Variants in TRIM25 observed in about 807,000 individuals in gnomAD.
The protein encoded by TRIM25 is tripartite motif containing 25.
A neutral mutation model predicts 65.2 loss-of-function variants in TRIM25; 45 were observed. The observed-to-expected ratio is 0.69, with a 90% CI of 0.54 to 0.89. TRIM25 has a LOEUF of 0.89. Ranked by LOEUF, TRIM25 falls within the 40% of genes least tolerant of loss-of-function variation. The pLI, the probability that TRIM25 is intolerant of heterozygous loss-of-function variation, is 0.00. For synonymous variants in TRIM25, 321 were observed against 340.4 expected, an observed-to-expected ratio of 0.94 and a Z score of 0.63; for missense variants, 714 against 803.7, an observed-to-expected ratio of 0.89 and a Z score of 1.35.
intron 5 of TRIM25, 124 bp from the exon 6 acceptor site, chr17:56,896,076 A>T (rs1253223523): frequency 2.7e-6 from 3 of 1,095,626 alleles, no homozygotes; most frequent in Non-Finnish European, 2.6e-6. Context: ...AATTTGAAAA[A>T]CAGAAGGAGT....
At chr17:56,901,739 C>T (rs1249090051) in intron 3 of TRIM25, among the ~76,000 whole-genome samples, 161 bp from the exon 4 acceptor site, 2 of 152,106 alleles carry the variant, frequency 1.3e-5, no homozygotes, top group Non-Finnish European at 2.9e-5. Context: ...TTAAATGACA[C>T]TTGAAGACAC....
intron 3 of TRIM25, among the ~76,000 whole-genome samples, chr17:56,902,934 C>T (rs1319714476): frequency 6.6e-6 from 1 of 152,194 alleles, no homozygotes; most frequent in East Asian, 1.9e-4. Flanking sequence ...ACTTCCTCCT[C>T]TGTCTCTTGT....
rs746988951 is a variant in TRIM25, at chr17:56,908,514, GC to G, written c.646del (p.Ala216ArgfsTer8). 3.7e-6 allele frequency: 6 copies of G among 1,613,974 alleles called. No individual in the cohort carries two copies. Among genetic ancestry groups the G allele is most frequent in the Non-Finnish European group, 5.1e-6 (6 of 1,180,026 alleles). ...TCTCACATCATCCAGTGCTCTCGACGCCCCGTTGATCTGACTGTACATGACA... is the reference window on the plus strand; with the variant it reads ...TCTCACATCATCCAGTGCTCTCGACGCCCGTTGATCTGACTGTACATGACA... ...LTVMYSQING[A>X]SRALDDVRNR... is the part of the protein sequence containing the mutation. On this transcript the variant is annotated frameshift_variant, in exon 2 of 9. Transcript: ENST00000316881. LOFTEE classifies it high-confidence loss of function.
Position 56,895,374 on chromosome 17 carries a change from G to C in TRIM25, c.1332C>G (p.Phe444Leu), listed in dbSNP as rs1567838455. ...TSLKAKVLET[F>L]LAKSRPELLE... ...GGAGCTCAGGTCTGGACTTGGCCAG[G>C]AAGGTCTCCAGCACCTTGGCCTTGA... The change falls in exon 8 of 9, where the codon TTC becomes TTG. Residue 444 changes from phenylalanine (F) to leucine (L), a missense_variant. Physicochemically the swap from Phe to Leu is conservative, Grantham distance 22 (BLOSUM62 0). This residue lies in a region of TRIM25 where 413 missense variants were observed against 498.2 expected (regional missense o/e 0.83). Coordinates refer to ENST00000316881, the MANE Select transcript of TRIM25 (RefSeq NM_005082.5). 6.2e-7 allele frequency: 1 copy of C among 1,614,176 alleles called. No homozygotes were observed. Among genetic ancestry groups the C allele is most frequent in the Admixed American group, 1.7e-5 (1 of 60,028 alleles).
chr17:56,908,741 A>G (rs1425279049), intron 1 of TRIM25, 178 bp from the exon 2 acceptor site: 4 of 619,992 alleles, frequency 6.5e-6, no homozygotes, highest in Non-Finnish European at 2.9e-6. Context: ...GCATTCTAAT[A>G]CTTACTACTT....
Position 56,891,996 on chromosome 17 carries a change from TGCTTCCGTA to T in TRIM25, c.1588_1596del (p.Tyr530_Ser532del). On this transcript the variant is annotated inframe_deletion, in exon 9 of 9. Coordinates refer to ENST00000316881, the MANE Select transcript of TRIM25 (RefSeq NM_005082.5). ...CTGCTTTCTGGGCCCTGCCGGTTCA[TGCTTCCGTA>T]GCAGATGCCTACCCCACAGAAGTTG... 6.8e-6 allele frequency: 11 copies of T among 1,614,222 alleles called. No homozygotes were observed. Among genetic ancestry groups the T allele is most frequent in the Non-Finnish European group, 9.3e-6 (11 of 1,180,032 alleles).
Position 56,913,586 on chromosome 17 carries a change from A to T in TRIM25, c.403T>A (p.Phe135Ile), listed in dbSNP as rs1435169390. 3 of 1,610,894 alleles carry T rather than the reference A, an allele frequency of 1.9e-6. No individual in the cohort carries two copies. The highest frequency in any genetic ancestry group is 1.7e-6 in the Non-Finnish European group (2 of 1,178,284). ...TGGTCCTGGAAGGCGGGGCTGTCGA[A>T]GTGCGGCTGCAGGTGCTCCTGACAG... Reference protein sequence around the residue: ...SFCQEHLQPHFDSPAFQDHPL... With the variant: ...SFCQEHLQPHIDSPAFQDHPL... Residue 135 changes from phenylalanine to isoleucine, a missense_variant, in exon 1 of 9, where the codon TTC becomes ATC. By Grantham distance (21) the Phe-to-Ile change is conservative (BLOSUM62 0). Around this residue, in one of 3 missense-constraint regions of TRIM25, gnomAD observed 291 missense variants for 281.8 expected, o/e 1.03. Transcript: ENST00000316881. This position sits in a 1 kb window ranked among gnomAD's most constrained non-coding sequence, Gnocchi z 6.1.
chr17:56,889,064 T>C lies in TRIM25; in HGVS notation c.*2636A>G, dbSNP rs1003773105. On this transcript the variant is annotated 3_prime_UTR_variant, in exon 9 of 9. Coordinates refer to ENST00000316881, the MANE Select transcript of TRIM25 (RefSeq NM_005082.5). ...AAATAACAGCTCAAATACTCCTAAC[T>C]AATTAAAATCAATAGTGAGAGGCAG... The C allele has an allele frequency of 2.2e-4, 33 of 152,136 alleles. No homozygotes were observed. Among genetic ancestry groups the C allele is most frequent in the African/African-American group, 8.0e-4 (33 of 41,416 alleles). The allele number at this position is 152,136 out of a possible 1,614,324, so 9.4% of individuals were successfully genotyped here.
At position 56,891,777 on chromosome 17, in the gene TRIM25, C is replaced by A. The variant is rs1164442117; in HGVS notation, c.1816G>T (p.Asp606Tyr). 2 of 1,614,186 alleles carry A rather than the reference C, an allele frequency of 1.2e-6. No homozygotes were observed. The highest frequency in any genetic ancestry group is 3.3e-5 in the Admixed American group (2 of 60,022). ...GCCGGGTACAAAGCCTCAGTAAAGT[C>A]CACCCTGAACTTATACATCAGGTGG... is the stretch of plus-strand genomic sequence containing the variant. ...KVHLMYKFRV[D>Y]FTEALYPAFW... The change falls in exon 9 of 9, where the codon GAC becomes TAC. Residue 606 changes from aspartate (D) to tyrosine (Y), a missense_variant. By Grantham distance (160) the Asp-to-Tyr change is radical. Around this residue, in one of 3 missense-constraint regions of TRIM25, gnomAD observed 413 missense variants for 498.2 expected, o/e 0.83. Transcript: ENST00000316881.
chr17:56,891,268 A>G lies in TRIM25; in HGVS notation c.*432T>C, dbSNP rs1909163639. On this transcript the variant is annotated 3_prime_UTR_variant, in exon 9 of 9. Coordinates refer to ENST00000316881, the MANE Select transcript of TRIM25 (RefSeq NM_005082.5). Reference sequence around the variant, plus strand: ...TGACTTTGGAACTTTAAAAACATCTATAGTAAGAATTCAAAACACCAAGAT... The same window carrying G: ...TGACTTTGGAACTTTAAAAACATCTGTAGTAAGAATTCAAAACACCAAGAT... The G allele has an allele frequency of 6.3e-6, 2 of 317,618 alleles. No individual in the cohort carries two copies. Among genetic ancestry groups the G allele is most frequent in the South Asian group, 5.2e-5 (2 of 38,310 alleles). The allele number at this position is 317,618 out of a possible 1,614,324, so 19.7% of individuals were successfully genotyped here.
chr17:56,898,466 T>C (rs1310819723), intron 5 of TRIM25, among the ~76,000 whole-genome samples: 1 of 152,142 alleles, frequency 6.6e-6, no homozygotes, highest in African/African-American at 2.4e-5. Context: ...ACCACTCTTC[T>C]CCTCAACCCC....
chr17:56,892,370 T>G (rs1207458792), intron 8 of TRIM25, 141 bp from the exon 9 acceptor site: 1 of 864,382 alleles, frequency 1.2e-6, no homozygotes, highest in Non-Finnish European at 1.7e-6. Context: ...TCCACTCATC[T>G]ATCCATCTGT....
chr17:56,906,793 C>A (rs558479243), intron 2 of TRIM25, among the ~76,000 whole-genome samples: 1 of 152,204 alleles, frequency 6.6e-6, no homozygotes, highest in Non-Finnish European at 1.5e-5. Flanking sequence ...TTGCGCCCAG[C>A]CTTCTTTGCC....
intron 5 of TRIM25, among the ~76,000 whole-genome samples, chr17:56,897,384 C>G (rs1401415390): frequency 6.6e-6 from 1 of 152,096 alleles, no homozygotes; most frequent in East Asian, 1.9e-4. Flanking sequence ...TCTCCCTCCC[C>G]CAGACCCCCA....
chr17:56,901,078 C>T (rs948344918), intron 4 of TRIM25, among the ~76,000 whole-genome samples: 1 of 152,120 alleles, frequency 6.6e-6, no homozygotes, highest in Non-Finnish European at 1.5e-5. Context: ...CTAGATTTCT[C>T]CCCCAAACGG....
At chr17:56,896,447 C>T (rs956275416) in intron 5 of TRIM25, among the ~76,000 whole-genome samples, 2 of 148,388 alleles carry the variant, frequency 1.3e-5, no homozygotes, top group Admixed American at 6.7e-5. Context: ...TGATCTCAAG[C>T]GTTAGAAACT....
chr17:56,908,424 G>A lies in TRIM25; in HGVS notation c.693+44C>T, dbSNP rs769782047. ...CGCCCATCCCGCGTGGAAGCTGAGC[G>A]AAGCCACAGGGCAGGGCTGGCCTTG... On this transcript the variant is annotated intron_variant, in intron 2 of 8. Coordinates refer to ENST00000316881, the MANE Select transcript of TRIM25 (RefSeq NM_005082.5). 49 of 1,596,518 alleles carry A rather than the reference G, an allele frequency of 3.1e-5. No homozygotes were observed. In the Admixed American group the frequency reaches 4.0e-4, roughly 13 times the overall value.
chr17:56,906,725 C>T (rs1297426449), intron 2 of TRIM25, among the ~76,000 whole-genome samples: 1 of 152,186 alleles, frequency 6.6e-6, no homozygotes, highest in Non-Finnish European at 1.5e-5. Flanking sequence ...GAACTGCTGA[C>T]CTCAGGTGAT....
In TRIM25 at chr17:56,890,962, G is replaced by T. The variant is rs1336585144; in HGVS notation, c.*738C>A. ...GGATTTCCACCCAAACTGGATCAGG[G>T]TCACCATGACCCTGAATCACAAATC... is the stretch of plus-strand genomic sequence containing the variant. On this transcript the variant is annotated 3_prime_UTR_variant, in exon 9 of 9. Transcript: ENST00000316881. 1 of 452,914 alleles carries T rather than the reference G, an allele frequency of 2.2e-6. No homozygotes were observed. The highest frequency in any genetic ancestry group is 3.3e-4 in the Middle Eastern group (1 of 3,056). The allele number at this position is 452,914 out of a possible 1,614,324, so 28.1% of individuals were successfully genotyped here.
Sources: gnomAD v4.1 joint callset for allele counts (sites outside exome capture counted in the v4.1 genomes callset) on GRCh38, gnomAD v4.1.1 for gene constraint, gnomAD v4.1.1 regional missense constraint, Gnocchi (gnomAD v3.1) non-coding constraint, MANE v1.5 for transcripts, NCBI Gene and HGNC (gene_info 2026-07-23, HGNC 2026-07-21) for gene names.